SHISA6: variants seen among roughly 807,000 people sequenced by gnomAD.
SHISA6 encodes shisa family member 6, also known as protein shisa-6.
Under a neutral mutation model 47.9 loss-of-function variants are expected in SHISA6, and 22 were observed. The ratio of observed to expected loss-of-function variants is 0.46; its 90% CI spans 0.33 to 0.66. The LOEUF (loss-of-function observed/expected upper bound fraction) is 0.66, where lower values mean the gene tolerates loss of function less well. Among genes scored for constraint, SHISA6 ranks in the 30% least tolerant of loss-of-function variants. The pLI is 0.02. For missense variants in SHISA6, 680 were observed against 764.6 expected, an observed-to-expected ratio of 0.89 and a Z score of 1.30; for synonymous variants, 388 against 337.8, an observed-to-expected ratio of 1.15 and a Z score of -1.63.
intron 3 of SHISA6, among the ~76,000 whole-genome samples, chr17:11,478,688 C>T: frequency 1.1e-5 from 1 of 88,896 alleles, no homozygotes; most frequent in African/African-American, 4.4e-5. Flanking sequence ...ATCCTTTCCC[C>T]ATTGCTTGTT....
intron 3 of SHISA6, among the ~76,000 whole-genome samples, chr17:11,540,659 G>A (rs1043394060): frequency 2.0e-5 from 3 of 152,106 alleles, no homozygotes; most frequent in Non-Finnish European, 4.4e-5. Flanking sequence ...TCTGTGTTAG[G>A]TGAAAAAATT....
chr17:11,490,448 G>A (rs1597547494), intron 3 of SHISA6, among the ~76,000 whole-genome samples: 1 of 152,150 alleles, frequency 6.6e-6, no homozygotes, highest in Non-Finnish European at 1.5e-5. Context: ...AATGAGAAGA[G>A]CATTCCAGGT....
chr17:11,525,631 C>CA (rs548619604), intron 3 of SHISA6, among the ~76,000 whole-genome samples: 2,349 of 58,878 alleles, frequency 0.04, 369 homozygotes, highest in Non-Finnish European at 0.051. Context: ...GACTCCGTCT[C>CA]AAAAAAAAAA....
At chr17:11,480,789 A>G (rs775609985) in intron 3 of SHISA6, among the ~76,000 whole-genome samples, 2 of 152,206 alleles carry the variant, frequency 1.3e-5, no homozygotes, top group African/African-American at 2.4e-5. Context: ...TGATCTGAAT[A>G]GGGGACACCA....
chr17:11,531,953 T>C (rs1400723748), intron 3 of SHISA6, among the ~76,000 whole-genome samples: 1 of 152,202 alleles, frequency 6.6e-6, no homozygotes, highest in African/African-American at 2.4e-5. Flanking sequence ...CAAATAAATA[T>C]ATCCAGTTTA....
At chr17:11,353,504 A>G (rs1278495940) in intron 2 of SHISA6, among the ~76,000 whole-genome samples, 1 of 151,834 alleles carries the variant, frequency 6.6e-6, no homozygotes, top group Admixed American at 6.6e-5. Flanking sequence ...CAGTGTAACA[A>G]TAAACTAACT....
chr17:11,467,219 C>T lies in SHISA6; in HGVS notation c.896-84677C>T, dbSNP rs755640708. 3.6e-4 allele frequency among the ~76,000 whole-genome samples: 54 copies of T among 152,106 alleles called. 1 individual carries two copies. The highest frequency in any genetic ancestry group is 9.2e-4 in the Admixed American group (14 of 15,252). The stretch of plus-strand genomic sequence containing the variant: ...CTTCACTTGGCAAATATTTAGTAAG[C>T]GTCTACCATGTCCACGTACTGCTCT... On this transcript the variant is annotated intron_variant, in intron 3 of 5. Transcript: ENST00000441885.
intron 3 of SHISA6, among the ~76,000 whole-genome samples, chr17:11,460,270 A>G (rs1915658655): frequency 6.6e-6 from 1 of 152,214 alleles, no homozygotes; most frequent in Non-Finnish European, 1.5e-5. Flanking sequence ...GCAACCAGCT[A>G]GGCTAGGCGC....
intron 2 of SHISA6, among the ~76,000 whole-genome samples, chr17:11,367,373 T>A (rs1912488025): frequency 6.6e-6 from 1 of 152,160 alleles, no homozygotes; most frequent in Non-Finnish European, 1.5e-5. Flanking sequence ...AGGGGATGGC[T>A]GTAAATTCCC....
chr17:11,250,879 G>A lies in SHISA6; in HGVS notation c.638+8819G>A, dbSNP rs937945620. 7.9e-5 allele frequency among the ~76,000 whole-genome samples: 12 copies of A among 151,884 alleles called. No individual in the cohort carries two copies. In the South Asian group the frequency reaches 1.3e-3, roughly 16 times the overall value. On this transcript the variant is annotated intron_variant, in intron 1 of 5. Coordinates refer to ENST00000441885, the MANE Select transcript of SHISA6 (RefSeq NM_207386.4). ...GATCTCGGTGAGATGAAGACTCAAG[G>A]AAGTGGAGAGGATGGTAGAGAGATA...
At chr17:11,405,860 T>C (rs964900203) in intron 3 of SHISA6, among the ~76,000 whole-genome samples, 4 of 152,128 alleles carry the variant, frequency 2.6e-5, no homozygotes, top group African/African-American at 9.7e-5. Context: ...GGAGCTGTTT[T>C]ACACCAGAGT....
At chr17:11,400,309 G>A (rs935467994) in intron 3 of SHISA6, among the ~76,000 whole-genome samples, 18 of 152,204 alleles carry the variant, frequency 1.2e-4, no homozygotes, top group African/African-American at 3.4e-4. Flanking sequence ...CCTAAGGTGA[G>A]TCAGCATCTT....
chr17:11,318,760 G>T (rs2142194026), intron 2 of SHISA6, among the ~76,000 whole-genome samples: 1 of 152,244 alleles, frequency 6.6e-6, no homozygotes, highest in Admixed American at 6.5e-5. Flanking sequence ...TTTATTAAAT[G>T]CTTGAATTTT....
At chr17:11,348,722 G>A (rs1301046810) in intron 2 of SHISA6, among the ~76,000 whole-genome samples, 3 of 151,424 alleles carry the variant, frequency 2.0e-5, no homozygotes, top group African/African-American at 7.3e-5. Flanking sequence ...TTCATTTGGG[G>A]CCTATATTTA....
intron 3 of SHISA6, among the ~76,000 whole-genome samples, chr17:11,448,356 C>G (rs1028803734): frequency 6.6e-6 from 1 of 151,782 alleles, no homozygotes; most frequent in African/African-American, 2.4e-5. Flanking sequence ...ATAGTGAGAC[C>G]CTGGCTCTAA....
chr17:11,263,793 G>A (rs537268481), intron 2 of SHISA6, among the ~76,000 whole-genome samples: 156 of 152,268 alleles, frequency 1.0e-3, no homozygotes, highest in African/African-American at 3.1e-3. Context: ...TTCTCTTACC[G>A]GAAAAGGAGC....
At chr17:11,277,278 T>TCACA (rs1385591802) in intron 2 of SHISA6, among the ~76,000 whole-genome samples, 30 of 52,668 alleles carry the variant, frequency 5.7e-4, no homozygotes, top group South Asian at 5.5e-3. Context: ...TCTCTCTCTC[T>TCACA]CTCACACACA....
intron 4 of SHISA6, among the ~76,000 whole-genome samples, chr17:11,555,482 G>A (rs1365372365): frequency 2.0e-5 from 3 of 151,744 alleles, no homozygotes; most frequent in South Asian, 2.1e-4. Flanking sequence ...GAGAGAATTC[G>A]CTCCTCAGAC....
chr17:11,242,647 A>T (rs1342375854), intron 1 of SHISA6, among the ~76,000 whole-genome samples: 2 of 152,066 alleles, frequency 1.3e-5, no homozygotes, highest in Non-Finnish European at 2.9e-5. Context: ...GCGGAGTGGG[A>T]TGTTTATCTT....
Sources: allele counts gnomAD v4.1 joint callset (sites outside exome capture counted in the v4.1 genomes callset), GRCh38; gene constraint gnomAD v4.1.1; transcripts MANE v1.5; gene names NCBI Gene and HGNC (gene_info 2026-07-23, HGNC 2026-07-21).